Variants in ZFAT observed in about 807,000 individuals in gnomAD.
The protein encoded by ZFAT is zinc finger and AT-hook domain containing, also known as zinc finger protein ZFAT.
In ZFAT, 64 loss-of-function variants were observed where a neutral mutation model predicts 117.7. The ratio of observed to expected loss-of-function variants is 0.54; its 90% CI spans 0.44 to 0.67. The LOEUF is 0.67. Ranked by LOEUF, ZFAT falls within the 30% of genes least tolerant of loss-of-function variation. The pLI is 0.00. For synonymous variants in ZFAT, 679 were observed against 615.0 expected (o/e 1.10, Z -1.54); for missense variants, 1,433 against 1,584.5 (o/e 0.90, Z 1.62).
intron 2 of ZFAT, among the ~76,000 whole-genome samples, chr8:134,653,328 G>T (rs1414799479): frequency 4.1e-5 from 6 of 144,816 alleles, no homozygotes; most frequent in Non-Finnish European, 9.0e-5. Context: ...CCAGGCTGGA[G>T]TGCAGTGGTG....
chr8:134,605,196 G>C (rs963118163), intron 5 of ZFAT, among the ~76,000 whole-genome samples: 4 of 152,196 alleles, frequency 2.6e-5, no homozygotes, highest in African/African-American at 9.7e-5. Flanking sequence ...CGAGTTCTAT[G>C]AAGTCACTTT....
At chr8:134,573,388 T>A (rs564693573) in intron 10 of ZFAT, among the ~76,000 whole-genome samples, 70 of 152,328 alleles carry the variant, frequency 4.6e-4, no homozygotes, top group African/African-American at 1.6e-3. Context: ...AAAGGAAAGA[T>A]GTGTCGTGTA....
chr8:134,549,001 C>T (rs764992304), intron 11 of ZFAT, among the ~76,000 whole-genome samples: 8 of 152,228 alleles, frequency 5.3e-5, no homozygotes, highest in Non-Finnish European at 1.0e-4. Context: ...CCACGAGAAA[C>T]TTCTTTTCCA....
At chr8:134,817,449 T>C in the ZFAT span, among the ~76,000 whole-genome samples, 1 of 74,346 alleles carries the variant, frequency 1.3e-5, no homozygotes, top group Non-Finnish European at 2.9e-5. Context: ...CGCACCCTTA[T>C]TGATTGTTTC....
Position 134,601,895 on chromosome 8 carries a change from A to G in ZFAT, c.1824T>C (p.Ala608=), listed in dbSNP as rs760972544. ...LLKNDTSSAE[A]HAAPEKPPDM... is the part of the protein sequence containing the mutation. ...CTGGGGGCTTCTCAGGAGCAGCATG[A>G]GCCTCTGCGGAGGAGGTATCATTTT... The change falls in exon 6 of 16, where the codon GCT becomes GCC. Residue 608 remains alanine (A), a synonymous_variant. Transcript: ENST00000377838. The G allele has an allele frequency of 1.2e-5, 20 of 1,613,778 alleles. No homozygotes were observed. The highest frequency in any genetic ancestry group is 1.7e-5 in the Non-Finnish European group (20 of 1,179,850).
At chr8:134,656,824 A>G (rs543922773) in intron 2 of ZFAT, among the ~76,000 whole-genome samples, 6 of 152,242 alleles carry the variant, frequency 3.9e-5, no homozygotes, top group South Asian at 2.1e-4. Context: ...CTCATGTGCT[A>G]TATGTTTTCT....
At chr8:134,820,282 T>C in the ZFAT span, among the ~76,000 whole-genome samples, 12 of 152,318 alleles carry the variant, frequency 7.9e-5, no homozygotes, top group African/African-American at 2.6e-4. Context: ...AGGGATGAGA[T>C]GGAGGTCAGG....
intron 3 of ZFAT, among the ~76,000 whole-genome samples, chr8:134,624,509 TA>T (rs1035170789): frequency 1.2e-4 from 18 of 152,000 alleles, no homozygotes; most frequent in African/African-American, 4.3e-4. Flanking sequence ...TACAAAAAAT[TA>T]GCCGGGCATG....
chr8:134,679,957 G>C (rs138417735), intron 1 of ZFAT, among the ~76,000 whole-genome samples: 1 of 151,746 alleles, frequency 6.6e-6, no homozygotes, highest in Admixed American at 6.6e-5. Context: ...GGTTGGGGAG[G>C]GGGAGGGATA....
intron 11 of ZFAT, among the ~76,000 whole-genome samples, chr8:134,549,442 G>GAA (rs34384490): frequency 5.9e-5 from 7 of 119,374 alleles, no homozygotes; most frequent in South Asian, 2.7e-4. Context: ...CTCCGTCTCA[G>GAA]AAAAAAAAAA....
At chr8:134,778,460 C>T in the ZFAT span, among the ~76,000 whole-genome samples, 2 of 152,354 alleles carry the variant, frequency 1.3e-5, no homozygotes, top group African/African-American at 2.4e-5. Context: ...CACTGGGACA[C>T]TTCACTCACT....
rs1356189202 is a variant in ZFAT at position 134,712,835 on chromosome 8, C to A, written c.19+10G>T. 1 of 1,500,202 alleles carries A rather than the reference C, an allele frequency of 6.7e-7. No individual in the cohort carries two copies. The highest frequency in any genetic ancestry group is 1.3e-5 in the South Asian group (1 of 79,892). 92.9% of individuals were successfully genotyped at this position (1,500,202 alleles called of 1,614,324 possible). ...CACCCCGTCTCACCCCAACCCCCAG[C>A]CCGGCTCACCTGCCGCCCGCGTCTC... On this transcript the variant is annotated intron_variant, in intron 1 of 15. Transcript: ENST00000377838.
chr8:134,749,058 A>G, the ZFAT span, among the ~76,000 whole-genome samples: 1 of 152,132 alleles, frequency 6.6e-6, no homozygotes, highest in East Asian at 1.9e-4. Context: ...AAAAAATTAT[A>G]TATGTTACAA....
the ZFAT span, chr8:134,795,763 G>C: frequency 1.3e-5 from 2 of 152,188 alleles, no homozygotes; most frequent in Non-Finnish European, 2.9e-5. Context: ...TACAGGGATG[G>C]AATCGCAGGC....
chr8:134,590,649 C>CCAA (rs1175706997), intron 7 of ZFAT, among the ~76,000 whole-genome samples: 3 of 97,196 alleles, frequency 3.1e-5, no homozygotes, highest in South Asian at 5.1e-4. Context: ...GTCATCACCA[C>CCAA]CACCACCACC....
In ZFAT at chr8:134,587,084, C is replaced by T. The variant is rs1826118159; in HGVS notation, c.2713+1162G>A. Among the ~76,000 whole-genome samples the T allele has an allele frequency of 2.0e-5, 3 of 152,188 alleles. No individual in the cohort carries two copies. The South Asian group carries it at 6.2e-4, about 31-fold the overall frequency. ...TTTGGTGTCCACATGCATCATAAACCTGTTCCCATCACTTGGCTTTCAGAA... is the reference window on the plus strand; with the variant it reads ...TTTGGTGTCCACATGCATCATAAACTTGTTCCCATCACTTGGCTTTCAGAA... On this transcript the variant is annotated intron_variant, in intron 9 of 15. Coordinates refer to ENST00000377838, the MANE Select transcript of ZFAT (RefSeq NM_020863.4).
intron 11 of ZFAT, among the ~76,000 whole-genome samples, chr8:134,542,169 C>T (rs751726404): frequency 5.9e-5 from 9 of 152,180 alleles, no homozygotes; most frequent in East Asian, 1.9e-4. Context: ...TCCCTCTATC[C>T]GGAACACCCC....
chr8:134,718,524 T>C, the ZFAT span, among the ~76,000 whole-genome samples: 1 of 151,858 alleles, frequency 6.6e-6, no homozygotes, highest in East Asian at 1.9e-4. Context: ...AGGAAAAGGG[T>C]GACTATATTT....
At chr8:134,752,703 T>G in the ZFAT span, among the ~76,000 whole-genome samples, 38 of 152,254 alleles carry the variant, frequency 2.5e-4, no homozygotes, top group African/African-American at 7.9e-4. Context: ...TGATGTCTGG[T>G]GAGAACTCAC....
Sources: allele counts gnomAD v4.1 joint callset (sites outside exome capture counted in the v4.1 genomes callset), GRCh38; gene constraint gnomAD v4.1.1; transcripts MANE v1.5; gene names NCBI Gene and HGNC (gene_info 2026-07-23, HGNC 2026-07-21).